IBTK: variants seen among roughly 807,000 people sequenced by gnomAD.
IBTK encodes the protein BTK-binding protein.
IBTK carries 83 observed loss-of-function variants against 154.9 expected under a neutral mutation model. The ratio of observed to expected loss-of-function variants is 0.54; its 90% CI spans 0.45 to 0.64. The LOEUF (loss-of-function observed/expected upper bound fraction) is 0.64. Ranked by LOEUF, IBTK falls within the 30% of genes least tolerant of loss-of-function variation. The probability of loss-of-function intolerance (pLI) is 0.00; values close to 1 mark genes in which losing one functional copy is unlikely to be tolerated. For synonymous variants in IBTK, 515 were observed against 536.1 expected, an observed-to-expected ratio of 0.96 and a Z score of 0.54; for missense variants, 1,332 against 1,584.6, an observed-to-expected ratio of 0.84 and a Z score of 2.71.
chr6:82,177,760 G>A (rs946126226), intron 26 of IBTK, among the ~76,000 whole-genome samples: 3 of 151,990 alleles, frequency 2.0e-5, no homozygotes, highest in African/African-American at 7.3e-5. Flanking sequence ...ATGTTGGCCA[G>A]GCTTGTCTCA....
intron 26 of IBTK, among the ~76,000 whole-genome samples, chr6:82,180,074 CATA>C (rs1201904982): frequency 7.1e-5 from 1 of 14,148 alleles, no homozygotes; most frequent in African/African-American, 2.8e-4. Flanking sequence ...TAGTACTTAG[CATA>C]ATGTTTGACA....
At position 82,196,415 on chromosome 6, in the gene IBTK, C is replaced by G; in HGVS notation, c.3057G>C (p.Val1019=). 20 of 1,611,110 alleles carry G rather than the reference C, an allele frequency of 1.2e-5. No individual in the cohort carries two copies. Among genetic ancestry groups the G allele is most frequent in the Non-Finnish European group, 1.7e-5 (20 of 1,178,556 alleles). Residue 1019 remains valine, a synonymous_variant, in exon 22 of 29, where the codon GTG becomes GTC. Coordinates refer to ENST00000306270, the MANE Select transcript of IBTK (RefSeq NM_015525.4). ...GLLKSGKTNS[V]ESLPELLTSD... is the part of the protein sequence containing the mutation. The stretch of plus-strand genomic sequence containing the variant: ...ATGTCAACAGTTCTGGAAGAGATTC[C>G]ACAGAATTGGTCTTACCAGACTTTA...
At chr6:82,221,125 G>A (rs889292177) in intron 8 of IBTK, among the ~76,000 whole-genome samples, 6 of 152,090 alleles carry the variant, frequency 3.9e-5, no homozygotes, top group Admixed American at 2.6e-4. Flanking sequence ...CCAGAAGTTC[G>A]AGACCAGCCT....
rs574950010 is a variant in IBTK at position 82,213,424 on chromosome 6, TA to T, written c.2205-632del. 1.9e-3 allele frequency among the ~76,000 whole-genome samples: 283 copies of T among 152,182 alleles called. 1 individual carries two copies. Among genetic ancestry groups the T allele is most frequent in the African/African-American group, 6.5e-3 (270 of 41,524 alleles). Reference sequence around the variant, plus strand: ...ACTGCCACAAGCAACATAAATACCTTAAAAAAAGAAAGAATTTCAAATAATC... The same window carrying T: ...ACTGCCACAAGCAACATAAATACCTTAAAAAAGAAAGAATTTCAAATAATC... On this transcript the variant is annotated intron_variant, in intron 12 of 28. Transcript: ENST00000306270.
At chr6:82,244,517 C>G (rs1432288148) in intron 1 of IBTK, among the ~76,000 whole-genome samples, 1 of 152,178 alleles carries the variant, frequency 6.6e-6, no homozygotes, top group East Asian at 1.9e-4. Flanking sequence ...ATCGCTTCCC[C>G]TGTCCTTCAA....
intron 23 of IBTK, among the ~76,000 whole-genome samples, chr6:82,193,785 G>A (rs531650948): frequency 7.4e-4 from 113 of 152,088 alleles, no homozygotes; most frequent in African/African-American, 2.4e-3. Context: ...GGGTTCAAAC[G>A]ATTCTCCCAC....
At chr6:82,232,024 T>G (rs2127824962) in intron 3 of IBTK, among the ~76,000 whole-genome samples, 182 bp from the exon 4 acceptor site, 1 of 151,466 alleles carries the variant, frequency 6.6e-6, no homozygotes, top group South Asian at 2.1e-4. Flanking sequence ...ATGCAAGCAA[T>G]CAAACATTTG....
Position 82,204,917 on chromosome 6 carries a change from C to T in IBTK, c.2551G>A (p.Ala851Thr). The T allele has an allele frequency of 1.2e-6, 2 of 1,607,434 alleles. No individual in the cohort carries two copies. Among genetic ancestry groups the T allele is most frequent in the Non-Finnish European group, 8.5e-7 (1 of 1,176,476 alleles). The change falls in exon 17 of 29, where the codon GCT becomes ACT. Residue 851 changes from alanine (A) to threonine (T), a missense_variant. By Grantham distance (58) the Ala-to-Thr change is moderately conservative (BLOSUM62 0). Coordinates refer to ENST00000306270, the MANE Select transcript of IBTK (RefSeq NM_015525.4). ...AACCGGGTTATGAGAAGTTGATCAG[C>T]CACCACAAGAACACTACAAATAAAA... The part of the protein sequence containing the change: ...VDFICSVLVV[A>T]DQLLITRLKE...
intron 25 of IBTK, among the ~76,000 whole-genome samples, 185 bp from the exon 26 acceptor site, chr6:82,182,213 A>G (rs905087188): frequency 2.0e-5 from 3 of 152,178 alleles, no homozygotes; most frequent in South Asian, 4.1e-4. Context: ...AGAAAAACCA[A>G]TCAATGAAGA....
In IBTK at chr6:82,194,617, C is replaced by A. The variant is rs1486817598; in HGVS notation, c.3200G>T (p.Gly1067Val). 9 of 1,593,362 alleles carry A rather than the reference C, an allele frequency of 5.6e-6. No homozygotes were observed. Among genetic ancestry groups the A allele is most frequent in the Non-Finnish European group, 7.7e-6 (9 of 1,170,994 alleles). The change falls in exon 23 of 29, where the codon GGT becomes GTT. Residue 1067 changes from glycine (G) to valine (V), a missense_variant. Transcript: ENST00000306270. ...IEAKVKPYVNGTSPVYSREDL... is the reference protein window; with the variant it reads ...IEAKVKPYVNVTSPVYSREDL... Reference sequence around the variant, plus strand: ...TTCCCTAGAATACACAGGAGATGTACCATTAACATACGGTTTGACTTTCGC... The same window carrying A: ...TTCCCTAGAATACACAGGAGATGTAACATTAACATACGGTTTGACTTTCGC...
intron 1 of IBTK, among the ~76,000 whole-genome samples, chr6:82,245,932 AACG>A (rs1225093636): frequency 1.1e-5 from 1 of 90,240 alleles, no homozygotes; most frequent in African/African-American, 4.3e-5. Flanking sequence ...AAAATTAAAC[AACG>A]GAAAAAACAC....
chr6:82,247,135 C>T (rs1199801859), intron 1 of IBTK, among the ~76,000 whole-genome samples: 1 of 152,210 alleles, frequency 6.6e-6, no homozygotes, highest in East Asian at 1.9e-4. Flanking sequence ...TCACGACCTG[C>T]TTCCCCAGAG....
At chr6:82,236,937 C>T (rs1770738818) in intron 2 of IBTK, among the ~76,000 whole-genome samples, 1 of 152,216 alleles carries the variant, frequency 6.6e-6, no homozygotes, top group Non-Finnish European at 1.5e-5. Flanking sequence ...AATACATCCA[C>T]TGTTATGTAT....
In IBTK at chr6:82,194,746, AATCTT is replaced by A. The variant is rs1265457393; in HGVS notation, c.3175-109_3175-105del. The A allele has an allele frequency of 1.0e-5, 8 of 779,636 alleles. No individual in the cohort carries two copies. The African/African-American group carries it at 1.1e-4, about 11-fold the overall frequency. 48.3% of individuals were successfully genotyped at this position (779,636 alleles called of 1,614,324 possible). A position where few individuals can be genotyped will look rare whatever the true frequency, so the allele number is the denominator to read the frequency against. On this transcript the variant is annotated intron_variant, in intron 22 of 28. Transcript: ENST00000306270. ...TTAGTTACATTATAATGAAGAATAA[AATCTT>A]ATGACAATAAGCCATCTAGTATTTT...
intron 4 of IBTK, among the ~76,000 whole-genome samples, chr6:82,229,871 G>A (rs980492344): frequency 2.0e-5 from 3 of 151,994 alleles, no homozygotes; most frequent in African/African-American, 7.2e-5. Flanking sequence ...TTTTATTCCT[G>A]TTCTCTCAAA....
intron 1 of IBTK, among the ~76,000 whole-genome samples, chr6:82,241,784 T>G (rs1770962257): frequency 6.6e-6 from 1 of 152,256 alleles, no homozygotes; most frequent in East Asian, 1.9e-4. Flanking sequence ...TAGATCTTCC[T>G]TAATGTGTAG....
chr6:82,242,928 T>A (rs536563733), intron 1 of IBTK, among the ~76,000 whole-genome samples: 8 of 142,344 alleles, frequency 5.6e-5, no homozygotes, highest in African/African-American at 2.1e-4. Context: ...AAAGCAAGAC[T>A]CTGTCTCAAA....
At chr6:82,198,296 CT>C (rs1312396820) in intron 21 of IBTK, among the ~76,000 whole-genome samples, 3 of 152,104 alleles carry the variant, frequency 2.0e-5, no homozygotes, top group African/African-American at 7.2e-5. Flanking sequence ...CAATCCACCC[CT>C]GCCTCCTTCT....
chr6:82,237,590 A>G (rs541876307), intron 2 of IBTK, among the ~76,000 whole-genome samples: 42 of 150,342 alleles, frequency 2.8e-4, no homozygotes, highest in African/African-American at 8.3e-4. Flanking sequence ...TAGTAGTAGT[A>G]GTGGTGGTGG....
Sources: allele counts gnomAD v4.1 joint callset (sites outside exome capture counted in the v4.1 genomes callset), GRCh38; gene constraint gnomAD v4.1.1; transcripts MANE v1.5; gene names NCBI Gene and HGNC (gene_info 2026-07-23, HGNC 2026-07-21).